SACS: variants seen among roughly 807,000 people sequenced by gnomAD.
The protein encoded by SACS is sacsin molecular chaperone.
SACS carries 197 observed loss-of-function variants against 348.0 expected under a neutral mutation model. The observed-to-expected ratio is 0.57, with a 90% CI of 0.50 to 0.64. The LOEUF is 0.64. SACS is among the 30% of genes least tolerant of loss of function. The probability of loss-of-function intolerance (pLI) is 0.00; values close to 1 mark genes in which losing one functional copy is unlikely to be tolerated. For synonymous variants in SACS, 1,985 were observed against 1,910.6 expected, an observed-to-expected ratio of 1.04 and a Z score of -1.02; for missense variants, 4,999 against 5,360.8, an observed-to-expected ratio of 0.93 and a Z score of 2.11.
intron 9 of SACS, among the ~76,000 whole-genome samples, chr13:23,345,350 CT>C (rs1869528876): frequency 6.6e-6 from 1 of 152,170 alleles, no homozygotes; most frequent in Admixed American, 6.5e-5. Flanking sequence ...AAAGGGCAGC[CT>C]TCCTGCCAGG....
At chr13:23,416,626 G>T (rs1469339298) in intron 1 of SACS, among the ~76,000 whole-genome samples, 3 of 151,696 alleles carry the variant, frequency 2.0e-5, no homozygotes, top group Admixed American at 1.3e-4. Context: ...GCGTGGTGGC[G>T]CATGTCTGTA....
At position 23,336,564 on chromosome 13, in the gene SACS, C is replaced by A; in HGVS notation, c.7312G>T (p.Glu2438Ter). Residue 2438 changes from glutamate (E) to a stop codon, truncating the protein, a stop_gained, in exon 10 of 10, where the codon GAA (glutamate) becomes TAA (stop). Transcript: ENST00000382292. LOFTEE classifies it high-confidence loss of function. ...ISEGIWSLIR[E>*]KKQEFCEKNY... ...TTCTCACAAAATTCTTGTTTCTTTT[C>A]TCTAATGAGACTCCATATTCCTTCA... is the stretch of plus-strand genomic sequence containing the variant. The A allele has an allele frequency of 6.2e-7, 1 of 1,613,720 alleles. No individual in the cohort carries two copies. Among genetic ancestry groups the A allele is most frequent in the Non-Finnish European group, 8.5e-7 (1 of 1,179,800 alleles).
intron 5 of SACS, among the ~76,000 whole-genome samples, chr13:23,367,593 T>C (rs998188863): frequency 1.3e-5 from 2 of 152,208 alleles, no homozygotes; most frequent in Non-Finnish European, 2.9e-5. Context: ...TTTGTTGTTT[T>C]ATTGTTTGTT....
intron 1 of SACS, among the ~76,000 whole-genome samples, chr13:23,426,487 A>C (rs1312349296): frequency 6.6e-6 from 1 of 152,080 alleles, no homozygotes; most frequent in African/African-American, 2.4e-5. Context: ...CGAAAATACA[A>C]AATTTAGCCC....
chr13:23,357,475 C>A (rs1200061715), intron 7 of SACS, among the ~76,000 whole-genome samples: 1 of 152,168 alleles, frequency 6.6e-6, no homozygotes, highest in Non-Finnish European at 1.5e-5. Flanking sequence ...TTGCCCAGGG[C>A]AGTCCCAATT....
intron 2 of SACS, among the ~76,000 whole-genome samples, chr13:23,400,405 T>C (rs1235361396): frequency 1.3e-5 from 2 of 152,088 alleles, no homozygotes; most frequent in Non-Finnish European, 2.9e-5. Context: ...GTCACTTTGG[T>C]TATTTTTATT....
intron 6 of SACS, among the ~76,000 whole-genome samples, chr13:23,359,271 C>T (rs1178574515): frequency 6.6e-6 from 1 of 152,080 alleles, no homozygotes; most frequent in Non-Finnish European, 1.5e-5. Context: ...TAATATATAA[C>T]CATTTTACTA....
chr13:23,394,294 A>G (rs1303290782), intron 2 of SACS, among the ~76,000 whole-genome samples: 3 of 151,836 alleles, frequency 2.0e-5, no homozygotes, highest in African/African-American at 7.3e-5. Flanking sequence ...GTTTAGCAAG[A>G]CTCCCCTACC....
intron 3 of SACS, among the ~76,000 whole-genome samples, chr13:23,372,733 T>C (rs1370352003): frequency 1.3e-5 from 2 of 152,154 alleles, no homozygotes; most frequent in Admixed American, 6.6e-5. Context: ...TATGTGCTTA[T>C]CTCTGATGAT....
In SACS at chr13:23,335,414, C is replaced by G. The variant is rs1401234741; in HGVS notation, c.8462G>C (p.Cys2821Ser). The part of the protein sequence containing the change: ...SEGNLTTWLI[C>S]NRSGFSSMEK... ...CATACTTGAAAAGCCTGATCTATTA[C>G]AAATTAGCCACGTAGTAAGATTTCC... Residue 2821 changes from cysteine (C) to serine (S), a missense_variant, in exon 10 of 10, where the codon TGT (cysteine) becomes TCT (serine). Transcript: ENST00000382292. The surrounding 1 kb of genome is among the most constrained non-coding windows in gnomAD (Gnocchi z 4.7). 1 of 1,613,840 alleles carries G rather than the reference C, an allele frequency of 6.2e-7. No homozygotes were observed. Among genetic ancestry groups the G allele is most frequent in the Non-Finnish European group, 8.5e-7 (1 of 1,179,918 alleles).
At position 23,414,235 on chromosome 13, in the gene SACS, C is replaced by T. The variant is rs571050745; in HGVS notation, c.-501-2495G>A. 5.9e-5 allele frequency among the ~76,000 whole-genome samples: 9 copies of T among 152,260 alleles called. 1 individual carries two copies. The highest frequency in any genetic ancestry group is 3.4e-3 in the Middle Eastern group (1 of 294). Reference sequence around the variant, plus strand: ...AGGAGAATGGTGTGAACCCGGAAGGCGGAGCCTACAGTGAGCAGAGATCGC... The same window carrying T: ...AGGAGAATGGTGTGAACCCGGAAGGTGGAGCCTACAGTGAGCAGAGATCGC... On this transcript the variant is annotated intron_variant, in intron 1 of 9. Transcript: ENST00000382292.
chr13:23,348,532 G>A (rs1219046539), intron 9 of SACS, among the ~76,000 whole-genome samples: 1 of 152,240 alleles, frequency 6.6e-6, no homozygotes, highest in Admixed American at 6.5e-5. Context: ...TCTCAAGGAT[G>A]TTGCAGTGTA....
At position 23,340,655 on chromosome 13, in the gene SACS, G is replaced by A; in HGVS notation, c.3221C>T (p.Pro1074Leu). 3 of 1,599,142 alleles carry A rather than the reference G, an allele frequency of 1.9e-6. No homozygotes were observed. Among genetic ancestry groups the A allele is most frequent in the Non-Finnish European group, 2.6e-6 (3 of 1,175,460 alleles). The stretch of plus-strand genomic sequence containing the variant: ...ATCTGGTGAGGTAAAAACTGAGGGT[G>A]GGAAATAGGTTCCTTCTTCATTACA... The part of the protein sequence containing the change: ...LFCNEEGTYF[P>L]PSVFTSPDIL... The change falls in exon 10 of 10, where the codon CCA (proline) becomes CTA (leucine). Residue 1074 changes from proline (P) to leucine (L), a missense_variant. Pro to Leu is a moderately conservative substitution (Grantham distance 98). Transcript: ENST00000382292.
At position 23,335,669 on chromosome 13, in the gene SACS, TC is replaced by T; in HGVS notation, c.8206del (p.Glu2736AsnfsTer3). ...CATGTGATTAAGAAACATTAGAAGTTCTGCCCCATCTGAGCGCAGTTTGTCC... is the reference window on the plus strand; with the variant it reads ...CATGTGATTAAGAAACATTAGAAGTTTGCCCCATCTGAGCGCAGTTTGTCC... The part of the protein sequence containing the change: ...LLDKLRSDGA[E>X]LLMFLNHMEK... On this transcript the variant is annotated frameshift_variant, in exon 10 of 10. Transcript: ENST00000382292. LOFTEE classifies it high-confidence loss of function. This position sits in a 1 kb window ranked among gnomAD's most constrained non-coding sequence, Gnocchi z 4.7. 2 of 1,614,082 alleles carry T rather than the reference TC, an allele frequency of 1.2e-6. No homozygotes were observed. Among genetic ancestry groups the T allele is most frequent in the South Asian group, 1.1e-5 (1 of 91,082 alleles).
At chr13:23,349,754 A>G (rs9552932) in intron 9 of SACS, among the ~76,000 whole-genome samples, 55,227 of 152,048 alleles carry the variant, frequency 0.36, 11,218 homozygotes, top group Non-Finnish European at 0.44. Flanking sequence ...ATAGTACTGT[A>G]TTACCATGTT....
chr13:23,336,878 G>T lies in SACS; in HGVS notation c.6998C>A (p.Thr2333Asn). 6.2e-7 allele frequency: 1 copy of T among 1,613,276 alleles called. No homozygotes were observed. Among genetic ancestry groups the T allele is most frequent in the Non-Finnish European group, 8.5e-7 (1 of 1,179,500 alleles). The change falls in exon 10 of 10, where the codon ACT (threonine) becomes AAT (asparagine). Residue 2333 changes from threonine to asparagine, a missense_variant. Transcript: ENST00000382292. The part of the protein sequence containing the change: ...LHEALMQNEI[T>N]KMSIIDKLKP... ...TAACTTATCAATAATTGACATCTTA[G>T]TGATTTCATTTTGCATCAAGGCTTC...
chr13:23,426,220 A>C (rs1046619845), intron 1 of SACS, among the ~76,000 whole-genome samples: 1 of 152,142 alleles, frequency 6.6e-6, no homozygotes, highest in Non-Finnish European at 1.5e-5. Context: ...TATAAAGTTT[A>C]TTTTGTCAAG....
chr13:23,419,553 A>G (rs1310223689), intron 1 of SACS, among the ~76,000 whole-genome samples: 1 of 150,924 alleles, frequency 6.6e-6, no homozygotes, highest in Non-Finnish European at 1.5e-5. Context: ...GTCACCCTTT[A>G]CTTCTTGGAT....
intron 2 of SACS, among the ~76,000 whole-genome samples, chr13:23,409,040 C>CCTTTTTTTTTTTTTTT (rs1873359626): frequency 2.8e-5 from 1 of 35,122 alleles, no homozygotes; most frequent in East Asian, 8.5e-4. Context: ...ACAAGTTTTA[C>CCTTTTTTTTTTTTTTT]TTTTTTTTTT....
Sources: allele counts gnomAD v4.1 joint callset (sites outside exome capture counted in the v4.1 genomes callset), GRCh38; gene constraint gnomAD v4.1.1; non-coding constraint Gnocchi (gnomAD v3.1); transcripts MANE v1.5; gene names NCBI Gene and HGNC (gene_info 2026-07-23, HGNC 2026-07-21).